The following ST7 variants were observed in gnomAD, a reference collection of about 807,000 sequenced individuals.
ST7 encodes the protein suppression of tumorigenicity 7, also known as suppressor of tumorigenicity 7 protein.
In ST7, 28 loss-of-function variants were observed where a neutral mutation model predicts 78.7. That is an observed-to-expected ratio of 0.36 (90% CI 0.26 to 0.49). ST7 has a LOEUF of 0.49. Among genes scored for constraint, ST7 ranks in the 20% least tolerant of loss-of-function variants. The pLI is 0.99. For missense variants in ST7, 418 were observed against 696.0 expected (o/e 0.60, Z 4.49); for synonymous variants, 247 against 249.6 (o/e 0.99, Z 0.10).
At chr7:117,146,950 C>T (rs1271897111) in intron 9 of ST7, among the ~76,000 whole-genome samples, 1 of 152,090 alleles carries the variant, frequency 6.6e-6, no homozygotes, top group Admixed American at 6.6e-5. Flanking sequence ...TTGATTAGAT[C>T]CCTCTTAAAA....
chr7:117,192,082 C>A (rs866409410), intron 12 of ST7, among the ~76,000 whole-genome samples: 1 of 152,014 alleles, frequency 6.6e-6, no homozygotes, highest in Admixed American at 6.6e-5. Context: ...TGGGTAATGA[C>A]CAACATAGTA....
At chr7:116,958,984 C>G (rs1792680875) in intron 1 of ST7, among the ~76,000 whole-genome samples, 1 of 152,170 alleles carries the variant, frequency 6.6e-6, no homozygotes, top group South Asian at 2.1e-4. Flanking sequence ...AAGTTTGCCA[C>G]ATGGATTGGT....
intron 1 of ST7, among the ~76,000 whole-genome samples, chr7:117,029,270 CT>C (rs1393440532): frequency 6.6e-6 from 1 of 152,056 alleles, no homozygotes; most frequent in Non-Finnish European, 1.5e-5. Flanking sequence ...TATTGTCAGT[CT>C]TTTTAATTTT....
intron 1 of ST7, among the ~76,000 whole-genome samples, chr7:117,083,420 T>C (rs1799927532): frequency 6.6e-6 from 1 of 152,178 alleles, no homozygotes; most frequent in East Asian, 1.9e-4. Context: ...CATGCCCAGC[T>C]AATTTTTTTG....
chr7:116,980,174 G>A (rs1303983329), intron 1 of ST7, among the ~76,000 whole-genome samples: 2 of 151,784 alleles, frequency 1.3e-5, no homozygotes, highest in East Asian at 1.9e-4. Context: ...GGCCAGGCTC[G>A]TCTCCAATTC....
intron 7 of ST7, among the ~76,000 whole-genome samples, chr7:117,135,622 C>T (rs1040226785): frequency 6.6e-6 from 1 of 152,016 alleles, no homozygotes; most frequent in Non-Finnish European, 1.5e-5. Flanking sequence ...GCACCTCTAA[C>T]TTTGAGTGTT....
chr7:117,134,329 A>G (rs1804608526), intron 7 of ST7, 137 bp downstream of exon 7: 22 of 1,298,004 alleles, frequency 1.7e-5, no homozygotes, highest in Non-Finnish European at 2.3e-5. Flanking sequence ...TGCATCATCT[A>G]TATCTTCCAT....
At chr7:117,092,677 C>A (rs1009904932) in intron 1 of ST7, among the ~76,000 whole-genome samples, 3 of 152,166 alleles carry the variant, frequency 2.0e-5, no homozygotes, top group Admixed American at 6.5e-5. Context: ...TTAAACTATT[C>A]CGGTGTGTTC....
At chr7:117,087,767 C>T (rs1321801184) in intron 1 of ST7, among the ~76,000 whole-genome samples, 2 of 152,174 alleles carry the variant, frequency 1.3e-5, no homozygotes, top group African/African-American at 4.8e-5. Context: ...CATGCCCAGA[C>T]TCTCGCCCTT....
chr7:117,055,948 A>G (rs1798042198), intron 1 of ST7, among the ~76,000 whole-genome samples: 1 of 152,214 alleles, frequency 6.6e-6, no homozygotes, highest in African/African-American at 2.4e-5. Flanking sequence ...CTGAGTCTCA[A>G]TACTGAAGAA....
At chr7:117,153,549 T>C (rs1250246841) in intron 9 of ST7, among the ~76,000 whole-genome samples, 1 of 152,182 alleles carries the variant, frequency 6.6e-6, no homozygotes, top group East Asian at 1.9e-4. Flanking sequence ...TGTTGTGTCA[T>C]GAAATCCATA....
intron 1 of ST7, among the ~76,000 whole-genome samples, chr7:117,033,160 T>C (rs1796690211): frequency 6.6e-6 from 1 of 152,222 alleles, no homozygotes. Flanking sequence ...TTTGAAGATT[T>C]CCATACCAGG....
intron 10 of ST7, among the ~76,000 whole-genome samples, chr7:117,174,811 G>A (rs1584518097): frequency 6.6e-6 from 1 of 152,278 alleles, no homozygotes; most frequent in South Asian, 2.1e-4. Flanking sequence ...TGCAGAAACT[G>A]AGGCTTTGTG....
At chr7:117,152,626 G>C (rs1371667994) in intron 9 of ST7, among the ~76,000 whole-genome samples, 1 of 152,084 alleles carries the variant, frequency 6.6e-6, no homozygotes, top group Non-Finnish European at 1.5e-5. Flanking sequence ...TTTGTTGCAG[G>C]GGAGAGGAGT....
chr7:117,205,253 G>T (rs534306218), intron 12 of ST7, among the ~76,000 whole-genome samples: 1 of 152,052 alleles, frequency 6.6e-6, no homozygotes, highest in East Asian at 1.9e-4. Flanking sequence ...AATTGTTAGG[G>T]TACATTGATT....
intron 2 of ST7, among the ~76,000 whole-genome samples, chr7:117,118,193 C>G (rs911719274): frequency 1.3e-5 from 2 of 152,204 alleles, no homozygotes; most frequent in African/African-American, 4.8e-5. Flanking sequence ...AGGAAGTGCT[C>G]ATAGGAGCAT....
chr7:117,178,227 A>G (rs1416737135), intron 10 of ST7, among the ~76,000 whole-genome samples: 1 of 152,198 alleles, frequency 6.6e-6, no homozygotes, highest in Non-Finnish European at 1.5e-5. Flanking sequence ...TTGAGTCCTT[A>G]TTATGTTGAA....
intron 9 of ST7, among the ~76,000 whole-genome samples, chr7:117,150,943 C>T (rs1806191900): frequency 6.6e-6 from 1 of 152,328 alleles, no homozygotes; most frequent in Admixed American, 6.5e-5. Flanking sequence ...TCCTTGATTC[C>T]TCTCTTTGCC....
At chr7:117,043,230 G>A (rs1398378848) in intron 1 of ST7, among the ~76,000 whole-genome samples, 1 of 152,124 alleles carries the variant, frequency 6.6e-6, no homozygotes. Context: ...AATGTATTCA[G>A]TCTTAGTAAT....
Sources: gnomAD v4.1 joint callset for allele counts (sites outside exome capture counted in the v4.1 genomes callset) on GRCh38, gnomAD v4.1.1 for gene constraint, MANE v1.5 for transcripts, NCBI Gene and HGNC (gene_info 2026-07-23, HGNC 2026-07-21) for gene names.